The following TRIM37 variants were observed in gnomAD, a reference collection of about 807,000 sequenced individuals.
The protein encoded by TRIM37 is E3 ubiquitin-protein ligase TRIM37.
A neutral mutation model predicts 129.8 loss-of-function variants in TRIM37; 80 were observed. That is an observed-to-expected ratio of 0.62 (90% confidence interval 0.51 to 0.74). The LOEUF (loss-of-function observed/expected upper bound fraction) is 0.74. TRIM37 is among the 30% of genes least tolerant of loss of function. The pLI is 0.00. For missense variants in TRIM37, 1,054 were observed against 1,176.5 expected (o/e 0.90, Z 1.52); for synonymous variants, 389 against 387.1 (o/e 1.00, Z -0.06).
Position 59,038,914 on chromosome 17 carries a change from G to C in TRIM37, c.1753+2899C>G, listed in dbSNP as rs183125846. ...TGCAGCTTACTGACTGCCAGATGCT[G>C]ACTGACTCACTCCCTGTTCCACAGC... On this transcript the variant is annotated intron_variant, in intron 17 of 23. Coordinates refer to ENST00000262294, the MANE Select transcript of TRIM37 (RefSeq NM_015294.6). Among the ~76,000 whole-genome samples the C allele has an allele frequency of 1.4e-4, 22 of 152,262 alleles. No individual in the cohort carries two copies. The East Asian group carries it at 4.1e-3, about 28-fold the overall frequency.
chr17:59,068,721 A>T (rs1380097126), intron 9 of TRIM37, among the ~76,000 whole-genome samples: 1 of 152,228 alleles, frequency 6.6e-6, no homozygotes, highest in Non-Finnish European at 1.5e-5. Flanking sequence ...AAAAGAAAGG[A>T]AGACTTCTAC....
chr17:59,030,394 A>G (rs2037721090), intron 18 of TRIM37, among the ~76,000 whole-genome samples: 1 of 152,202 alleles, frequency 6.6e-6, no homozygotes, highest in Admixed American at 6.5e-5. Flanking sequence ...GGCGTGAGCC[A>G]CTGCGCCCAG....
intron 2 of TRIM37, among the ~76,000 whole-genome samples, chr17:59,094,872 C>A (rs2044712186): frequency 6.6e-6 from 1 of 152,012 alleles, no homozygotes; most frequent in African/African-American, 2.4e-5. Context: ...GAGAAAAGGC[C>A]AGGACTGAAA....
intron 14 of TRIM37, 135 bp from the exon 15 acceptor site, chr17:59,049,528 T>C: frequency 2.4e-6 from 2 of 844,008 alleles, no homozygotes; most frequent in African/African-American, 1.7e-5. Flanking sequence ...GGTCTCACTC[T>C]GTTGCCCAGG....
chr17:59,054,639 C>T (rs1306914367), intron 13 of TRIM37, among the ~76,000 whole-genome samples: 5 of 150,836 alleles, frequency 3.3e-5, no homozygotes, highest in Non-Finnish European at 7.4e-5. Context: ...GACTACCCCA[C>T]GTTAAACAGG....
intron 22 of TRIM37, among the ~76,000 whole-genome samples, chr17:59,006,220 A>G (rs567839305): frequency 3.9e-5 from 6 of 152,326 alleles, no homozygotes; most frequent in African/African-American, 1.4e-4. Flanking sequence ...TTGTGAATGT[A>G]AAGAAAAAGA....
chr17:59,053,066 G>A (rs7224809), intron 13 of TRIM37, among the ~76,000 whole-genome samples: 8,662 of 152,198 alleles, frequency 0.057, 777 homozygotes, highest in African/African-American at 0.19. Context: ...GAGCAGAGAC[G>A]ATTCACAGTC....
chr17:58,980,089 C>T, downstream of TRIM37: 1 of 1,614,124 alleles, frequency 6.2e-7, no homozygotes, highest in Non-Finnish European at 8.5e-7. This position sits in a 1 kb window ranked among gnomAD's most constrained non-coding sequence, Gnocchi z 4.7. Flanking sequence ...ACACCGTGAA[C>T]CCTGATGAGG....
the TRIM37 span, chr17:58,972,156 G>C: frequency 3.1e-6 from 5 of 1,614,052 alleles, no homozygotes; most frequent in Non-Finnish European, 4.2e-6. Flanking sequence ...GACCACAGGA[G>C]TGGTGACTTT....
At position 59,070,862 on chromosome 17, in the gene TRIM37, G is replaced by A; in HGVS notation, c.770C>T (p.Ala257Val). The A allele has an allele frequency of 1.9e-6, 3 of 1,614,006 alleles. No individual in the cohort carries two copies. Among genetic ancestry groups the A allele is most frequent in the Non-Finnish European group, 2.5e-6 (3 of 1,179,926 alleles). ...MFQQVHRKPM[A>V]SFVTTPVPPD... Reference sequence around the variant, plus strand: ...TGGAACAGGAGTGGTAACAAAAGATGCCATGGGCTTCCGATGAACTTGCTG... The same window carrying A: ...TGGAACAGGAGTGGTAACAAAAGATACCATGGGCTTCCGATGAACTTGCTG... The change falls in exon 9 of 24, where the codon GCA becomes GTA. Residue 257 changes from alanine (A) to valine (V), a missense_variant. Transcript: ENST00000262294.
intron 8 of TRIM37, 152 bp downstream of exon 8, chr17:59,075,495 C>T (rs765626026): frequency 9.8e-5 from 54 of 551,736 alleles, no homozygotes; most frequent in African/African-American, 4.4e-4. Flanking sequence ...ACCCAGGAGG[C>T]GGAGTTTACA....
intron 18 of TRIM37, among the ~76,000 whole-genome samples, chr17:59,030,925 CTTAACAT>C (rs1307233025): frequency 2.0e-5 from 3 of 152,150 alleles, no homozygotes; most frequent in African/African-American, 4.8e-5. Context: ...GCAAACAACA[CTTAACAT>C]TTAAGTAAAA....
At chr17:59,006,799 G>C (rs1276222285) in intron 22 of TRIM37, among the ~76,000 whole-genome samples, 1 of 152,114 alleles carries the variant, frequency 6.6e-6, no homozygotes, top group African/African-American at 2.4e-5. Context: ...TGAGGCAGGA[G>C]AATCGCTTGA....
chr17:59,048,824 T>C (rs1480521173), intron 15 of TRIM37, among the ~76,000 whole-genome samples: 1 of 152,254 alleles, frequency 6.6e-6, no homozygotes, highest in Non-Finnish European at 1.5e-5. Flanking sequence ...CTCGAACTCC[T>C]GACCTCATGT....
At chr17:58,986,851 C>A (rs1418753130) in intron 24 of TRIM37, among the ~76,000 whole-genome samples, 1 of 152,150 alleles carries the variant, frequency 6.6e-6, no homozygotes, top group African/African-American at 2.4e-5. Context: ...AACACTTTTT[C>A]TATTGTGCTT....
At chr17:58,981,410 A>C (rs988920768), downstream of TRIM37, 2 of 166,674 alleles carry the variant, frequency 1.2e-5, no homozygotes, top group East Asian at 3.5e-4. Flanking sequence ...ATGCAGTTGA[A>C]ATCTGGTCTG....
intron 18 of TRIM37, among the ~76,000 whole-genome samples, chr17:59,031,559 C>T (rs1216010432): frequency 2.0e-5 from 3 of 152,184 alleles, no homozygotes; most frequent in Non-Finnish European, 2.9e-5. Flanking sequence ...GATATAGTTC[C>T]ACTTGGAAGT....
intron 17 of TRIM37, 88 bp downstream of exon 17, chr17:59,041,725 T>G (rs976805778): frequency 1.0e-6 from 1 of 984,208 alleles, no homozygotes. Flanking sequence ...GTACAAGCAG[T>G]GGCTACCACC....
chr17:59,051,400 G>A, intron 13 of TRIM37, 72 bp from the exon 14 acceptor site: 3 of 1,091,248 alleles, frequency 2.7e-6, no homozygotes, highest in Non-Finnish European at 4.2e-6. Flanking sequence ...ACTGAATTCT[G>A]CAATTTGGGT....
Sources: allele counts gnomAD v4.1 joint callset (sites outside exome capture counted in the v4.1 genomes callset), GRCh38; gene constraint gnomAD v4.1.1; non-coding constraint Gnocchi (gnomAD v3.1); transcripts MANE v1.5; gene names NCBI Gene and HGNC (gene_info 2026-07-23, HGNC 2026-07-21).